Variants in RARS2 observed in about 807,000 individuals in gnomAD.
The protein encoded by RARS2 is arginyl-tRNA synthetase 2, mitochondrial.
A neutral mutation model predicts 88.5 loss-of-function variants in RARS2; 67 were observed. The observed-to-expected ratio is 0.76, with a 90% CI of 0.62 to 0.93. The LOEUF is 0.93. RARS2 is among the 40% of genes least tolerant of loss of function. The probability of loss-of-function intolerance (pLI) is 0.00; values close to 1 mark genes in which losing one functional copy is unlikely to be tolerated. For missense variants in RARS2, 664 were observed against 684.2 expected, an observed-to-expected ratio of 0.97 and a Z score of 0.33; for synonymous variants, 239 against 230.3, an observed-to-expected ratio of 1.04 and a Z score of -0.34.
intron 6 of RARS2, among the ~76,000 whole-genome samples, chr6:87,546,044 T>A (rs944332440): frequency 6.6e-6 from 1 of 152,202 alleles, no homozygotes; most frequent in South Asian, 2.1e-4. Context: ...AGAAATATAT[T>A]TGTCTGTGCC....
chr6:87,544,433 C>T (rs1392718740), intron 7 of RARS2, among the ~76,000 whole-genome samples: 3 of 152,184 alleles, frequency 2.0e-5, no homozygotes, highest in Non-Finnish European at 2.9e-5. Context: ...CCTAGTAGGG[C>T]AGGGAAGCAC....
At chr6:87,569,325 A>T (rs935640207) in intron 2 of RARS2, among the ~76,000 whole-genome samples, 192 bp downstream of exon 2, 1 of 152,214 alleles carries the variant, frequency 6.6e-6, no homozygotes, top group African/African-American at 2.4e-5. Flanking sequence ...ATATCAGAGT[A>T]TTTAAAATAC....
At chr6:87,519,400 G>A (rs985742315) in intron 14 of RARS2, among the ~76,000 whole-genome samples, 183 bp downstream of exon 14, 1 of 152,028 alleles carries the variant, frequency 6.6e-6, no homozygotes, top group African/African-American at 2.4e-5. Context: ...GATTATTGAA[G>A]TGACCAATTC....
intron 14 of RARS2, 23 bp downstream of exon 14, chr6:87,519,560 T>A: frequency 6.2e-7 from 1 of 1,604,670 alleles, no homozygotes; most frequent in Non-Finnish European, 8.5e-7. Context: ...GTTATGACTT[T>A]AATAAGAAAA....
chr6:87,535,534 TC>T (rs1481956396), intron 8 of RARS2, among the ~76,000 whole-genome samples: 2 of 152,150 alleles, frequency 1.3e-5, no homozygotes, highest in Non-Finnish European at 2.9e-5. Flanking sequence ...TCACTATTTT[TC>T]TTTTATTAAA....
At chr6:87,535,059 A>G (rs1778711375) in intron 8 of RARS2, among the ~76,000 whole-genome samples, 1 of 135,252 alleles carries the variant, frequency 7.4e-6, no homozygotes. Flanking sequence ...AAATTCAATG[A>G]CTTACACTGA....
intron 8 of RARS2, among the ~76,000 whole-genome samples, chr6:87,538,762 G>C (rs761754661): frequency 1.3e-5 from 2 of 152,056 alleles, no homozygotes; most frequent in Non-Finnish European, 2.9e-5. Context: ...GGTTGGGTGT[G>C]GTGGCTCACA....
At chr6:87,564,792 T>C (rs1767366689) in intron 2 of RARS2, 1 of 183,048 alleles carries the variant, frequency 5.5e-6, no homozygotes, top group South Asian at 9.1e-5. Context: ...TCCTCTTCTG[T>C]CTGGGCACAG....
At chr6:87,569,912 G>A (rs1267537227) in intron 1 of RARS2, among the ~76,000 whole-genome samples, 1 of 150,784 alleles carries the variant, frequency 6.6e-6, no homozygotes, top group Admixed American at 6.6e-5. Flanking sequence ...AAAAAAGTAT[G>A]GCAAGAGAGG....
intron 4 of RARS2, 142 bp from the exon 5 acceptor site, chr6:87,555,647 C>G: frequency 1.5e-6 from 1 of 667,564 alleles, no homozygotes; most frequent in Admixed American, 2.2e-5. Context: ...GGCACTACCT[C>G]CAGCACCACT....
At chr6:87,526,183 C>CA (rs1322094872) in intron 10 of RARS2, among the ~76,000 whole-genome samples, 1 of 152,064 alleles carries the variant, frequency 6.6e-6, no homozygotes, top group African/African-American at 2.4e-5. Flanking sequence ...TATGGAACCA[C>CA]AAAAAACCTC....
At chr6:87,548,761 G>A in intron 5 of RARS2, 115 bp from the exon 6 acceptor site, 1 of 903,294 alleles carries the variant, frequency 1.1e-6, no homozygotes. Context: ...TGGTATTAGG[G>A]CAAAGATAAG....
At position 87,523,641 on chromosome 6, in the gene RARS2, G is replaced by A. The variant is rs966391015; in HGVS notation, c.974+916C>T. On this transcript the variant is annotated intron_variant, in intron 11 of 19. Coordinates refer to ENST00000369536, the MANE Select transcript of RARS2 (RefSeq NM_020320.5). Reference sequence around the variant, plus strand: ...ATGTCATAGGGCCCCTTTTCTGACGGGATGTTTCTTTTTCCAAAGAAAAAT... The same window carrying A: ...ATGTCATAGGGCCCCTTTTCTGACGAGATGTTTCTTTTTCCAAAGAAAAAT... Among the ~76,000 whole-genome samples, 3 of 152,024 alleles carry A rather than the reference G, an allele frequency of 2.0e-5. No individual in the cohort carries two copies. In the East Asian group the frequency reaches 5.8e-4, roughly 29 times the overall value.
At chr6:87,543,539 G>C (rs1781689492) in intron 7 of RARS2, among the ~76,000 whole-genome samples, 1 of 146,622 alleles carries the variant, frequency 6.8e-6, no homozygotes, top group African/African-American at 2.5e-5. Context: ...TACTCGGGAG[G>C]CTGAGGCAGG....
intron 1 of RARS2, among the ~76,000 whole-genome samples, chr6:87,579,731 T>G (rs1216850062): frequency 2.3e-5 from 3 of 129,742 alleles, no homozygotes; most frequent in South Asian, 2.7e-4. Flanking sequence ...TTTTTTTTTT[T>G]TTTTTTTTTT....
intron 11 of RARS2, among the ~76,000 whole-genome samples, chr6:87,522,330 A>T (rs993898910): frequency 8.0e-6 from 1 of 125,356 alleles, no homozygotes; most frequent in African/African-American, 3.2e-5. Context: ...ACACCGTCTC[A>T]ATTAAAAAAA....
chr6:87,570,336 G>A (rs1010055122), intron 1 of RARS2, among the ~76,000 whole-genome samples: 3 of 152,122 alleles, frequency 2.0e-5, no homozygotes, highest in Non-Finnish European at 4.4e-5. Flanking sequence ...CTCCTCGCAC[G>A]ACTGTTAATA....
chr6:87,520,276 T>G lies in RARS2; in HGVS notation c.1036-20A>C. On this transcript the variant is annotated intron_variant, in intron 12 of 19. Coordinates refer to ENST00000369536, the MANE Select transcript of RARS2 (RefSeq NM_020320.5). ...ATCTGTCTTGGGAAGAAAATATATA[T>G]AAAATAAAAGAATACTGACAAATTA... 6.5e-7 allele frequency: 1 copy of G among 1,539,642 alleles called. No individual in the cohort carries two copies. Among genetic ancestry groups the G allele is most frequent in the Non-Finnish European group, 9.0e-7 (1 of 1,114,808 alleles).
intron 4 of RARS2, among the ~76,000 whole-genome samples, chr6:87,557,235 G>C (rs986590833): frequency 2.6e-5 from 4 of 152,122 alleles, no homozygotes; most frequent in African/African-American, 7.2e-5. Flanking sequence ...CAAGGACGTA[G>C]AGAAAATAAT....
Sources: gnomAD v4.1 joint callset for allele counts (sites outside exome capture counted in the v4.1 genomes callset) on GRCh38, gnomAD v4.1.1 for gene constraint, MANE v1.5 for transcripts, NCBI Gene and HGNC (gene_info 2026-07-23, HGNC 2026-07-21) for gene names.